The following ATXN10 variants were observed in gnomAD, a reference collection of about 807,000 sequenced individuals.
ATXN10 encodes the protein ataxin-10.
In ATXN10, 28 loss-of-function variants were observed where a neutral mutation model predicts 52.9. The ratio of observed to expected loss-of-function variants is 0.53; its 90% CI spans 0.39 to 0.73. ATXN10 has a LOEUF of 0.73. Ranked by LOEUF, ATXN10 falls within the 30% of genes least tolerant of loss-of-function variation. The probability of loss-of-function intolerance (pLI) is 0.00; values close to 1 mark genes in which losing one functional copy is unlikely to be tolerated. For synonymous variants in ATXN10, 226 were observed against 221.5 expected (o/e 1.02, Z -0.18); for missense variants, 565 against 577.0 (o/e 0.98, Z 0.21).
rs1157748040 is a variant in ATXN10, at chr22:45,790,524, C to A, written c.1174-16435C>A. Among the ~76,000 whole-genome samples, 1 of 152,212 alleles carries A rather than the reference C, an allele frequency of 6.6e-6. No individual in the cohort carries two copies. The highest frequency in any genetic ancestry group is 1.5e-5 in the Non-Finnish European group (1 of 68,042). On this transcript the variant is annotated intron_variant, in intron 9 of 11. Transcript: ENST00000252934. This position sits in a 1 kb window ranked among gnomAD's most constrained non-coding sequence, Gnocchi z 4.7. ...GACCATAGCAGAAAGTCTGTGATAT[C>A]TGAGGGAAAGATGGAGAAAGTCTTC... is the stretch of plus-strand genomic sequence containing the variant.
chr22:45,697,081 G>A (rs1185269353), intron 3 of ATXN10, among the ~76,000 whole-genome samples: 1 of 152,104 alleles, frequency 6.6e-6, no homozygotes, highest in Admixed American at 6.5e-5. Context: ...GAACAATCGA[G>A]TGGCATTTAG....
chr22:45,704,937 CT>C (rs1923982548), intron 5 of ATXN10, among the ~76,000 whole-genome samples: 1 of 152,138 alleles, frequency 6.6e-6, no homozygotes, highest in African/African-American at 2.4e-5. Context: ...AACTTTTCTT[CT>C]ACTTCTACTG....
chr22:45,674,746 A>G (rs137953202), intron 1 of ATXN10: 14 of 152,342 alleles, frequency 9.2e-5, no homozygotes, highest in African/African-American at 2.9e-4. Context: ...AAAAGCAAAA[A>G]CAGTGAGGAA....
chr22:45,682,342 G>T (rs1922958820), intron 1 of ATXN10, among the ~76,000 whole-genome samples: 1 of 151,340 alleles, frequency 6.6e-6, no homozygotes. Context: ...TTTGAGACAG[G>T]GTCTCGCTCT....
rs1927218267 is a variant in ATXN10 at position 45,783,417 on chromosome 22, A to G, written c.1174-23542A>G. Among the ~76,000 whole-genome samples the G allele has an allele frequency of 6.6e-6, 1 of 152,116 alleles. No homozygotes were observed. The highest frequency in any genetic ancestry group is 1.5e-5 in the Non-Finnish European group (1 of 68,022). ...ACGTGAATCCTTGAATGAGGGTACA[A>G]CTCTCTGTTCTTTTCTGAAGCACCA... On this transcript the variant is annotated intron_variant, in intron 9 of 11. Coordinates refer to ENST00000252934, the MANE Select transcript of ATXN10 (RefSeq NM_013236.4). This position sits in a 1 kb window ranked among gnomAD's most constrained non-coding sequence, Gnocchi z 5.0.
At chr22:45,720,976 G>A (rs1924628693) in intron 6 of ATXN10, among the ~76,000 whole-genome samples, 1 of 152,214 alleles carries the variant, frequency 6.6e-6, no homozygotes, top group Non-Finnish European at 1.5e-5. Context: ...CACAGTCCCT[G>A]CCCTTACTGT....
intron 10 of ATXN10, among the ~76,000 whole-genome samples, chr22:45,809,762 A>G (rs1408739355): frequency 1.3e-5 from 2 of 152,152 alleles, no homozygotes; most frequent in Admixed American, 6.5e-5. Context: ...CCTTTTGCCC[A>G]TTGGGATATT....
chr22:45,723,660 G>A (rs980578451), intron 6 of ATXN10, among the ~76,000 whole-genome samples: 11 of 152,132 alleles, frequency 7.2e-5, no homozygotes, highest in Non-Finnish European at 1.5e-4. Flanking sequence ...TCTTCACTTA[G>A]AATAATGGCC....
Position 45,775,260 on chromosome 22 carries a change from C to G in ATXN10, c.1174-31699C>G, listed in dbSNP as rs938495417. Among the ~76,000 whole-genome samples, 2 of 152,156 alleles carry G rather than the reference C, an allele frequency of 1.3e-5. No individual in the cohort carries two copies. The highest frequency in any genetic ancestry group is 2.9e-5 in the Non-Finnish European group (2 of 68,016). The stretch of plus-strand genomic sequence containing the variant: ...TGGACATAACAGGAGGCTACTGGTC[C>G]TGGGCATGGGGCTGTGTCCCTGTCC... On this transcript the variant is annotated intron_variant, in intron 9 of 11. Transcript: ENST00000252934. This position sits in a 1 kb window ranked among gnomAD's most constrained non-coding sequence, Gnocchi z 4.7.
chr22:45,672,125 A>G lies in ATXN10; in HGVS notation c.62A>G (p.Gln21Arg). 1.3e-6 allele frequency: 2 copies of G among 1,540,254 alleles called. No individual in the cohort carries two copies. The highest frequency in any genetic ancestry group is 2.5e-5 in the East Asian group (1 of 40,730). The change falls in exon 1 of 12, where the codon CAA (glutamine) becomes CGA (arginine). Residue 21 changes from glutamine to arginine, a missense_variant. Coordinates refer to ENST00000252934, the MANE Select transcript of ATXN10 (RefSeq NM_013236.4). ...GGCGTCATGGTGCCGGCGCCCATCC[A>G]AGACCTGGAGGCCCTGCGCGCGCTC... ...LSGVMVPAPI[Q>R]DLEALRALTA... is the part of the protein sequence containing the mutation.
chr22:45,796,896 A>G (rs1927760629), intron 9 of ATXN10, among the ~76,000 whole-genome samples: 1 of 152,244 alleles, frequency 6.6e-6, no homozygotes, highest in African/African-American at 2.4e-5. Flanking sequence ...AAAGAATGAT[A>G]TACCATGTAA....
intron 3 of ATXN10, among the ~76,000 whole-genome samples, chr22:45,694,063 G>A (rs1469483600): frequency 1.3e-5 from 2 of 152,124 alleles, no homozygotes; most frequent in South Asian, 2.1e-4. Flanking sequence ...CTCACATTCC[G>A]TTGAGGGGAA....
chr22:45,793,786 C>A, intron 9 of ATXN10: 1 of 1,324,412 alleles, frequency 7.6e-7, no homozygotes, highest in Non-Finnish European at 9.7e-7. Flanking sequence ...CAGGTAAGCC[C>A]CCAAATTGGG....
Position 45,681,387 on chromosome 22 carries a change from G to A in ATXN10, c.117-8325G>A, listed in dbSNP as rs531804146. Among the ~76,000 whole-genome samples the A allele has an allele frequency of 1.3e-5, 2 of 151,734 alleles. No individual in the cohort carries two copies. Among genetic ancestry groups the A allele is most frequent in the African/African-American group, 4.8e-5 (2 of 41,314 alleles). On this transcript the variant is annotated intron_variant, in intron 1 of 11. Coordinates refer to ENST00000252934, the MANE Select transcript of ATXN10 (RefSeq NM_013236.4). This position sits in a 1 kb window ranked among gnomAD's most constrained non-coding sequence, Gnocchi z 4.2. ...AATCCCTGTTTTATCTTCTCTTTAG[G>A]GCCCTTGCTTCATCAAGTCTTTAAC...
Position 45,837,481 on chromosome 22 carries a change from C to T in ATXN10, c.1238-5510C>T, listed in dbSNP as rs557685339. On this transcript the variant is annotated intron_variant, in intron 10 of 11. Transcript: ENST00000252934. The surrounding 1 kb of genome is among the most constrained non-coding windows in gnomAD (Gnocchi z 5.8). ...GTTTTACCATGTTGGCCAGGCTGGT[C>T]TCATACTCCTGACCTCGTGATCCGC... 3.9e-5 allele frequency among the ~76,000 whole-genome samples: 6 copies of T among 152,270 alleles called. No homozygotes were observed. In the South Asian group the frequency reaches 1.2e-3, roughly 32 times the overall value.
At chr22:45,693,977 G>C (rs1411055307) in intron 3 of ATXN10, among the ~76,000 whole-genome samples, 1 of 152,178 alleles carries the variant, frequency 6.6e-6, no homozygotes, top group East Asian at 1.9e-4. Context: ...TTATGAATGT[G>C]ACAGGCCCTG....
intron 9 of ATXN10, among the ~76,000 whole-genome samples, chr22:45,747,215 T>G (rs949556006): frequency 6.6e-6 from 1 of 152,080 alleles, no homozygotes; most frequent in African/African-American, 2.4e-5. Context: ...TGAAAATGTC[T>G]GGGGGGCCGG....
chr22:45,700,367 A>C lies in ATXN10; in HGVS notation c.477A>C (p.Pro159=), dbSNP rs776773929. 2 of 1,613,060 alleles carry C rather than the reference A, an allele frequency of 1.2e-6. No homozygotes were observed. The highest frequency in any genetic ancestry group is 2.2e-5 in the East Asian group (1 of 44,888). The change falls in exon 4 of 12, where the codon CCA becomes CCC. Residue 159 remains proline (P), a synonymous_variant. Coordinates refer to ENST00000252934, the MANE Select transcript of ATXN10 (RefSeq NM_013236.4). ...CTATTGTTTGGGTGCATGCTTTCCC[A>C]GAACTGTTTTTGTGAGTATATTGAT... The part of the protein sequence containing the change: ...SQSIVWVHAF[P]ELFLSCLNHP...
intron 9 of ATXN10, among the ~76,000 whole-genome samples, chr22:45,806,677 C>G (rs1241304115): frequency 6.6e-6 from 1 of 151,998 alleles, no homozygotes; most frequent in Non-Finnish European, 1.5e-5. Context: ...TGGAGTTTAT[C>G]CTGGTGAACA....
Sources: gnomAD v4.1 joint callset for allele counts (sites outside exome capture counted in the v4.1 genomes callset) on GRCh38, gnomAD v4.1.1 for gene constraint, Gnocchi (gnomAD v3.1) non-coding constraint, MANE v1.5 for transcripts, NCBI Gene and HGNC (gene_info 2026-07-23, HGNC 2026-07-21) for gene names.